The following HERC4 variants were observed in gnomAD, a reference collection of about 807,000 sequenced individuals.
HERC4 encodes the protein probable E3 ubiquitin-protein ligase HERC4.
In HERC4, 28 loss-of-function variants were observed where a neutral mutation model predicts 124.3. That is an observed-to-expected ratio of 0.23 (90% CI 0.17 to 0.31). The LOEUF (loss-of-function observed/expected upper bound fraction) is 0.31, where lower values mean the gene tolerates loss of function less well. Ranked by LOEUF, HERC4 falls within the 10% of genes least tolerant of loss-of-function variation. The pLI, the probability that HERC4 is intolerant of heterozygous loss-of-function variation, is 1.00. For synonymous variants in HERC4, 407 were observed against 421.5 expected (o/e 0.97, Z 0.42); for missense variants, 713 against 1,229.3 (o/e 0.58, Z 6.28).
At chr10:67,997,462 CTAAG>C (rs1280713885) in intron 9 of HERC4, among the ~76,000 whole-genome samples, 2 of 152,174 alleles carry the variant, frequency 1.3e-5, no homozygotes, top group Middle Eastern at 3.4e-3. Context: ...AAATAGGTAA[CTAAG>C]TATTATTTCT....
At chr10:68,051,721 ACT>A in intron 3 of HERC4, among the ~76,000 whole-genome samples, 1 of 110,906 alleles carries the variant, frequency 9.0e-6, no homozygotes, top group East Asian at 2.7e-4. Flanking sequence ...ACAGGATCTC[ACT>A]CTGTTGCCCA....
chr10:67,973,608 T>A (rs1332219476), intron 15 of HERC4, among the ~76,000 whole-genome samples: 1 of 152,124 alleles, frequency 6.6e-6, no homozygotes, highest in Non-Finnish European at 1.5e-5. Context: ...CAAGAATAAG[T>A]AGAGAGGCTG....
intron 8 of HERC4, among the ~76,000 whole-genome samples, chr10:68,021,827 A>AT: frequency 6.6e-6 from 1 of 151,974 alleles, no homozygotes; most frequent in South Asian, 2.1e-4. Flanking sequence ...AAATAAATAA[A>AT]AGGCATTCAT....
intron 3 of HERC4, among the ~76,000 whole-genome samples, chr10:68,053,804 A>T (rs2040426507): frequency 6.6e-6 from 1 of 152,164 alleles, no homozygotes; most frequent in South Asian, 2.1e-4. Context: ...ATGACCACAA[A>T]CTAAAACATT....
chr10:68,056,816 C>T (rs770734757), intron 3 of HERC4, among the ~76,000 whole-genome samples: 34 of 152,056 alleles, frequency 2.2e-4, no homozygotes, highest in African/African-American at 7.0e-4. Context: ...TAACTCAAAA[C>T]GACACAGTTA....
At chr10:68,026,182 A>G (rs1329670901) in intron 7 of HERC4, among the ~76,000 whole-genome samples, 2 of 152,058 alleles carry the variant, frequency 1.3e-5, no homozygotes, top group African/African-American at 4.8e-5. Context: ...TGCAGCCTCA[A>G]CCTCGTGGGC....
rs1350913338 is a variant in HERC4 at position 67,922,163 on chromosome 10, T to C, written c.*768A>G. On this transcript the variant is annotated 3_prime_UTR_variant, in exon 25 of 25. Transcript: ENST00000373700. ...ATAACCCAGTGATTGGTGCTCATAG[T>C]AGCCAATGTTTCTTTTTATTACTGG... 6.6e-6 allele frequency: 1 copy of C among 152,208 alleles called. No individual in the cohort carries two copies. Among genetic ancestry groups the C allele is most frequent in the East Asian group, 1.9e-4 (1 of 5,206 alleles). The allele number at this position is 152,208 out of a possible 1,614,324, so 9.4% of individuals were successfully genotyped here. A position where few individuals can be genotyped will look rare whatever the true frequency, so the allele number is the denominator to read the frequency against.
At chr10:67,970,591 CAA>C (rs34981836) in intron 15 of HERC4, among the ~76,000 whole-genome samples, 19 of 111,856 alleles carry the variant, frequency 1.7e-4, no homozygotes, top group Non-Finnish European at 1.7e-4. Context: ...GACTCTGTCT[CAA>C]AAAAAAAAAA....
intron 5 of HERC4, among the ~76,000 whole-genome samples, chr10:68,037,841 T>C (rs2039557041): frequency 6.6e-6 from 1 of 152,174 alleles, no homozygotes; most frequent in African/African-American, 2.4e-5. Context: ...GGTTCAATAC[T>C]GTAAAGATTT....
At chr10:67,932,840 T>G (rs532296192) in intron 22 of HERC4, 60 bp from the exon 23 acceptor site, 1 of 1,431,904 alleles carries the variant, frequency 7.0e-7, no homozygotes, top group East Asian at 2.6e-5. Flanking sequence ...GAATCCATAA[T>G]GTAGTCATTA....
At chr10:68,019,697 A>G (rs2038491781) in intron 8 of HERC4, among the ~76,000 whole-genome samples, 2 of 152,148 alleles carry the variant, frequency 1.3e-5, no homozygotes, top group Non-Finnish European at 2.9e-5. Flanking sequence ...TCAACTTCGG[A>G]TCTTAGCATG....
At chr10:67,954,566 G>C in intron 19 of HERC4, 29 bp downstream of exon 19, 1 of 1,599,384 alleles carries the variant, frequency 6.3e-7, no homozygotes, top group Non-Finnish European at 8.5e-7. Context: ...TATATACACA[G>C]AAGTAATTTA....
At chr10:67,977,452 T>C (rs906898651) in intron 15 of HERC4, among the ~76,000 whole-genome samples, 10 of 152,252 alleles carry the variant, frequency 6.6e-5, no homozygotes, top group Admixed American at 2.6e-4. Context: ...AGCCTGAAAC[T>C]TCCTGGCTTC....
intron 9 of HERC4, among the ~76,000 whole-genome samples, chr10:68,000,168 T>C (rs2037141233): frequency 6.6e-6 from 1 of 152,140 alleles, no homozygotes; most frequent in African/African-American, 2.4e-5. Context: ...ATAAGTCATC[T>C]GAAGGAACAA....
At chr10:67,990,473 A>C (rs919786295) in intron 13 of HERC4, 73 bp from the exon 14 acceptor site, 33 of 798,634 alleles carry the variant, frequency 4.1e-5, no homozygotes, top group Non-Finnish European at 5.7e-5. Context: ...AAAAAAAAGG[A>C]AGGCAGGAAG....
chr10:68,028,753 T>C (rs774813610), intron 7 of HERC4, among the ~76,000 whole-genome samples: 10 of 152,252 alleles, frequency 6.6e-5, no homozygotes, highest in African/African-American at 1.2e-4. Context: ...TTAATTCCTA[T>C]AGTTTTAGAT....
chr10:67,936,077 G>A, intron 22 of HERC4, 76 bp downstream of exon 22: 1 of 898,026 alleles, frequency 1.1e-6, no homozygotes, highest in Non-Finnish European at 1.7e-6. Context: ...TTAGGGTTGT[G>A]ACACGTTTTC....
chr10:68,010,827 G>A (rs2037905296), intron 9 of HERC4: 3 of 1,533,306 alleles, frequency 2.0e-6, no homozygotes, highest in East Asian at 2.3e-5. Flanking sequence ...TGCTTCAGGA[G>A]CTTGGCAAAT....
chr10:67,991,241 A>C (rs1309997759), intron 11 of HERC4, 42 bp from the exon 12 acceptor site: 4 of 1,142,858 alleles, frequency 3.5e-6, no homozygotes, highest in Non-Finnish European at 3.7e-6. Flanking sequence ...AGAATCAGAA[A>C]TTTAATTGTT....
Sources: gnomAD v4.1 joint callset for allele counts (sites outside exome capture counted in the v4.1 genomes callset) on GRCh38, gnomAD v4.1.1 for gene constraint, MANE v1.5 for transcripts, NCBI Gene and HGNC (gene_info 2026-07-23, HGNC 2026-07-21) for gene names.